Variants in CELSR1 observed in about 807,000 individuals in gnomAD.
The protein encoded by CELSR1 is cadherin EGF LAG seven-pass G-type receptor 1.
A neutral mutation model predicts 249.1 loss-of-function variants in CELSR1; 110 were observed. The observed-to-expected ratio is 0.44, with a 90% CI of 0.38 to 0.52. The LOEUF is 0.52. CELSR1 is among the 20% of genes least tolerant of loss of function. The pLI is 0.00. For missense variants in CELSR1, 4,109 were observed against 4,296.4 expected, an observed-to-expected ratio of 0.96 and a Z score of 1.22; for synonymous variants, 2,113 against 1,900.0, an observed-to-expected ratio of 1.11 and a Z score of -2.92.
intron 2 of CELSR1, among the ~76,000 whole-genome samples, chr22:46,453,612 T>C (rs910278508): frequency 1.3e-5 from 2 of 152,102 alleles, no homozygotes; most frequent in Admixed American, 6.5e-5. Context: ...GGCGGCTTTG[T>C]CTGTCCACAC....
chr22:46,415,118 A>G (rs2079384566), intron 5 of CELSR1, among the ~76,000 whole-genome samples: 1 of 152,154 alleles, frequency 6.6e-6, no homozygotes, highest in South Asian at 2.1e-4. Flanking sequence ...CTCAGGGAGG[A>G]GGATGGGGGG....
At chr22:46,476,770 G>A (rs1038360952) in intron 1 of CELSR1, among the ~76,000 whole-genome samples, 2 of 151,996 alleles carry the variant, frequency 1.3e-5, no homozygotes, top group African/African-American at 2.4e-5. Context: ...CAAGCGCAAG[G>A]GGCAAGAGGG....
Position 46,411,620 on chromosome 22 carries a change from G to A in CELSR1, c.4751C>T (p.Thr1584Ile), listed in dbSNP as rs893084883. 1 of 1,614,168 alleles carries A rather than the reference G, an allele frequency of 6.2e-7. No homozygotes were observed. Among genetic ancestry groups the A allele is most frequent in the Non-Finnish European group, 8.5e-7 (1 of 1,180,034 alleles). ...TGCTCACTTCTTGGAGCCGGTCTGAGTGCCCTGGGCAGCGCAGCTGTAGTT... is the reference window on the plus strand; with the variant it reads ...TGCTCACTTCTTGGAGCCGGTCTGAATGCCCTGGGCAGCGCAGCTGTAGTT... ...IGNYSCAAQG[T>I]QTGSKKSLDL... The change falls in exon 6 of 35, where the codon ACT becomes ATT. Residue 1584 changes from threonine to isoleucine, a missense_variant. Thr to Ile is a moderately conservative substitution (Grantham distance 89). Transcript: ENST00000674500. The surrounding 1 kb of genome is among the most constrained non-coding windows in gnomAD (Gnocchi z 4.2).
In CELSR1 at chr22:46,439,282, G is replaced by A; in HGVS notation, c.4313C>T (p.Pro1438Leu). Residue 1438 changes from proline to leucine, a missense_variant, in exon 3 of 35, where the codon CCC (proline) becomes CTC (leucine). Coordinates refer to ENST00000674500, the MANE Select transcript of CELSR1 (RefSeq NM_001378328.1). ...CVCPPGEYER[P>L]YCEVTTRSFP... Reference sequence around the variant, plus strand: ...GCTCCTGGTGGTCACCTCACAGTAGGGCCTCTCATACTCGCCAGGAGGACA... The same window carrying A: ...GCTCCTGGTGGTCACCTCACAGTAGAGCCTCTCATACTCGCCAGGAGGACA... 2 of 1,614,100 alleles carry A rather than the reference G, an allele frequency of 1.2e-6. No individual in the cohort carries two copies. The highest frequency in any genetic ancestry group is 1.7e-6 in the Non-Finnish European group (2 of 1,180,014).
intron 3 of CELSR1, among the ~76,000 whole-genome samples, chr22:46,438,369 G>A (rs1345679694): frequency 1.3e-5 from 2 of 151,974 alleles, no homozygotes; most frequent in Admixed American, 6.6e-5. Flanking sequence ...CCCCCAACCC[G>A]GCCCCTCACA....
Position 46,402,238 on chromosome 22 carries a change from C to CA in CELSR1, c.5227-2337dup, listed in dbSNP as rs2079217453. On this transcript the variant is annotated intron_variant, in intron 9 of 34. Transcript: ENST00000674500. The surrounding 1 kb of genome is among the most constrained non-coding windows in gnomAD (Gnocchi z 5.0). Reference sequence around the variant, plus strand: ...CTTTTTCTTTTTTTTTTTTTTGAGACAGAGTTTCACTCTTGTTGCCCAGGC... The same window carrying CA: ...CTTTTTCTTTTTTTTTTTTTTGAGACAAGAGTTTCACTCTTGTTGCCCAGGC... 6.7e-6 allele frequency among the ~76,000 whole-genome samples: 1 copy of CA among 148,318 alleles called. No homozygotes were observed. Among genetic ancestry groups the CA allele is most frequent in the Admixed American group, 6.8e-5 (1 of 14,812 alleles).
intron 1 of CELSR1, among the ~76,000 whole-genome samples, chr22:46,525,991 G>A (rs1245729036): frequency 1.3e-5 from 2 of 152,260 alleles, no homozygotes; most frequent in Non-Finnish European, 2.9e-5. Context: ...TCACCTGCCT[G>A]CTACTTCACC....
intron 1 of CELSR1, among the ~76,000 whole-genome samples, chr22:46,499,185 TAAAA>T (rs10606942): frequency 1.9e-4 from 25 of 130,930 alleles, no homozygotes; most frequent in Admixed American, 3.1e-4. Context: ...GTTGCAAATC[TAAAA>T]AAAAAAAAAA....
In CELSR1 at chr22:46,372,931, T is replaced by C. The variant is rs779270356; in HGVS notation, c.7711A>G (p.Met2571Val). Reference sequence around the variant, plus strand: ...CAGCCCACGACGTAGTAGAACCGCATGGGCCCCGTGTCGATGTTGCGCACC... The same window carrying C: ...CAGCCCACGACGTAGTAGAACCGCACGGGCCCCGTGTCGATGTTGCGCACC... ...TEVRNIDTGP[M>V]RFYYVVGWGI... Residue 2571 changes from methionine (M) to valine (V), a missense_variant, in exon 25 of 35, where the codon ATG (methionine) becomes GTG (valine). By Grantham distance (21) the Met-to-Val change is conservative. Coordinates refer to ENST00000674500, the MANE Select transcript of CELSR1 (RefSeq NM_001378328.1). The C allele has an allele frequency of 8.7e-6, 14 of 1,612,930 alleles. No individual in the cohort carries two copies. Among genetic ancestry groups the C allele is most frequent in the Non-Finnish European group, 1.2e-5 (14 of 1,179,716 alleles).
chr22:46,480,495 T>C (rs2080255785), intron 1 of CELSR1, among the ~76,000 whole-genome samples: 1 of 152,212 alleles, frequency 6.6e-6, no homozygotes, highest in Non-Finnish European at 1.5e-5. Context: ...CTTGTATAAA[T>C]TACACAAAAC....
intron 19 of CELSR1, among the ~76,000 whole-genome samples, chr22:46,385,107 A>G (rs997368496): frequency 1.3e-5 from 2 of 150,446 alleles, no homozygotes; most frequent in African/African-American, 2.5e-5. Flanking sequence ...ACTTATATTT[A>G]TTTTTGAGAC....
intron 24 of CELSR1, among the ~76,000 whole-genome samples, chr22:46,375,163 G>A (rs1309834740): frequency 6.6e-6 from 1 of 152,174 alleles, no homozygotes; most frequent in East Asian, 1.9e-4. Flanking sequence ...CTCGCCGGAA[G>A]GTTCCAGCCT....
rs368735643 is a variant in CELSR1 at position 46,535,599 on chromosome 22, G to A, written c.1572C>T (p.Phe524=). ...TCAGCGAGTATTTCTGGACATCCTC[G>A]AAATCCAAGGGGTTGATCACATCCA... ...GILDVINPLD[F]EDVQKYSLSI... is the part of the protein sequence containing the mutation. The change falls in exon 1 of 35, where the codon TTC becomes TTT. Residue 524 remains phenylalanine, a synonymous_variant. Transcript: ENST00000674500. The A allele has an allele frequency of 2.5e-6, 4 of 1,613,290 alleles. No individual in the cohort carries two copies. The highest frequency in any genetic ancestry group is 2.7e-5 in the African/African-American group (2 of 74,918).
At position 46,506,184 on chromosome 22, in the gene CELSR1, AAAAAAAAAAG is replaced by A. The variant is rs1050612570; in HGVS notation, c.3544+27433_3544+27442del. 2.2e-4 allele frequency among the ~76,000 whole-genome samples: 10 copies of A among 44,644 alleles called. No homozygotes were observed. The highest frequency in any genetic ancestry group is 6.3e-4 in the Non-Finnish European group (10 of 15,798). 29.3% of individuals were successfully genotyped at this position (44,644 alleles called of 152,430 possible). A position where few individuals can be genotyped will look rare whatever the true frequency, so the allele number is the denominator to read the frequency against. On this transcript the variant is annotated intron_variant, in intron 1 of 34. Transcript: ENST00000674500. The surrounding 1 kb of genome is among the most constrained non-coding windows in gnomAD (Gnocchi z 4.1). ...ACAGAGACTGTCTCCAAAAAAAAAA[AAAAAAAAAAG>A]AAAAAGAAAGAAAGACAGAAAAGAA...
intron 24 of CELSR1, 74 bp from the exon 25 acceptor site, chr22:46,373,131 G>A: frequency 6.9e-7 from 1 of 1,442,576 alleles, no homozygotes; most frequent in Non-Finnish European, 9.3e-7. Flanking sequence ...AGTGAGGGGT[G>A]GGGGATGGGA....
At position 46,488,861 on chromosome 22, in the gene CELSR1, G is replaced by A. The variant is rs1302747917; in HGVS notation, c.3545-24516C>T. ...TTTTTAGTAGAGACGGGGTTTCACC[G>A]TGTTAGCCAGGATGGTCTCGATCTC... On this transcript the variant is annotated intron_variant, in intron 1 of 34. Coordinates refer to ENST00000674500, the MANE Select transcript of CELSR1 (RefSeq NM_001378328.1). The surrounding 1 kb of genome is among the most constrained non-coding windows in gnomAD (Gnocchi z 4.7). Among the ~76,000 whole-genome samples, 3 of 152,002 alleles carry A rather than the reference G, an allele frequency of 2.0e-5. No homozygotes were observed. The highest frequency in any genetic ancestry group is 1.9e-4 in the East Asian group (1 of 5,182).
At position 46,536,130 on chromosome 22, in the gene CELSR1, G is replaced by A. The variant is rs147194683; in HGVS notation, c.1041C>T (p.Asn347=). 1.3e-5 allele frequency: 21 copies of A among 1,612,670 alleles called. No homozygotes were observed. Among genetic ancestry groups the A allele is most frequent in the African/African-American group, 5.3e-5 (4 of 74,944 alleles). ...ACTGCTCGAAGACCGGGCTGTGGTCGTTGGTGTCTTTGACCAAGACAGTGA... is the reference window on the plus strand; with the variant it reads ...ACTGCTCGAAGACCGGGCTGTGGTCATTGGTGTCTTTGACCAAGACAGTGA... ...TYITVLVKDT[N]DHSPVFEQSE... Residue 347 remains asparagine (N), a synonymous_variant, in exon 1 of 35, where the codon AAC becomes AAT. Transcript: ENST00000674500.
chr22:46,380,021 C>G lies in CELSR1; in HGVS notation c.7256+767G>C, dbSNP rs972242706. 1.3e-5 allele frequency among the ~76,000 whole-genome samples: 2 copies of G among 152,202 alleles called. No homozygotes were observed. Among genetic ancestry groups the G allele is most frequent in the Non-Finnish European group, 2.9e-5 (2 of 68,040 alleles). On this transcript the variant is annotated intron_variant, in intron 22 of 34. Coordinates refer to ENST00000674500, the MANE Select transcript of CELSR1 (RefSeq NM_001378328.1). This position sits in a 1 kb window ranked among gnomAD's most constrained non-coding sequence, Gnocchi z 5.1. ...AGCTCCCTGTAACGATAGAGCAACTCAAATGTCCACACCTCACGTGAACTC... is the reference window on the plus strand; with the variant it reads ...AGCTCCCTGTAACGATAGAGCAACTGAAATGTCCACACCTCACGTGAACTC...
intron 25 of CELSR1, among the ~76,000 whole-genome samples, chr22:46,371,951 A>C (rs2078856948): frequency 7.5e-6 from 1 of 132,486 alleles, no homozygotes; most frequent in African/African-American, 3.0e-5. Context: ...TCAGCCCTTC[A>C]TCCCTCCCAT....
Sources: gnomAD v4.1 joint callset for allele counts (sites outside exome capture counted in the v4.1 genomes callset) on GRCh38, gnomAD v4.1.1 for gene constraint, Gnocchi (gnomAD v3.1) non-coding constraint, MANE v1.5 for transcripts, NCBI Gene and HGNC (gene_info 2026-07-23, HGNC 2026-07-21) for gene names.